CSMD2: variants seen among roughly 807,000 people sequenced by gnomAD.
CSMD2 encodes CUB and Sushi multiple domains 2, also known as CUB and sushi domain-containing protein 2.
In CSMD2, 130 loss-of-function variants were observed where a neutral mutation model predicts 398.5. The observed-to-expected ratio is 0.33, with a 90% CI of 0.28 to 0.38. The LOEUF (loss-of-function observed/expected upper bound fraction) is 0.38. CSMD2 is among the 10% of genes least tolerant of loss of function. The pLI is 1.00. For synonymous variants in CSMD2, 1,828 were observed against 1,908.5 expected (o/e 0.96, Z 1.10); for missense variants, 3,829 against 4,764.9 (o/e 0.80, Z 5.78).
At chr1:33,681,161 T>A (rs1475742867) in intron 25 of CSMD2, among the ~76,000 whole-genome samples, 1 of 152,026 alleles carries the variant, frequency 6.6e-6, no homozygotes, top group Non-Finnish European at 1.5e-5. Context: ...TGGCCTCAAG[T>A]GATTCACCTC....
intron 1 of CSMD2, 43 bp from the exon 2 acceptor site, chr1:34,089,236 T>C: frequency 6.4e-7 from 1 of 1,555,760 alleles, no homozygotes; most frequent in Non-Finnish European, 8.8e-7. Flanking sequence ...CCAGAATAAC[T>C]CCTAGAAGCT....
intron 10 of CSMD2, among the ~76,000 whole-genome samples, chr1:33,796,738 C>T (rs1339781261): frequency 6.6e-6 from 1 of 152,150 alleles, no homozygotes; most frequent in Non-Finnish European, 1.5e-5. Context: ...CAGGGTTGGG[C>T]AGAATAGAGC....
intron 3 of CSMD2, among the ~76,000 whole-genome samples, chr1:34,014,211 G>A (rs1191223097): frequency 4.6e-5 from 7 of 152,080 alleles, no homozygotes; most frequent in Admixed American, 3.9e-4. Flanking sequence ...ATTAGACTCC[G>A]GGCCAGTCTC....
intron 4 of CSMD2, among the ~76,000 whole-genome samples, chr1:33,918,792 A>C (rs1211047694): frequency 6.6e-6 from 1 of 152,242 alleles, no homozygotes; most frequent in Non-Finnish European, 1.5e-5. Context: ...ATTTGAATTT[A>C]GACTCCACAA....
At chr1:33,711,378 C>A (rs894372194) in intron 21 of CSMD2, among the ~76,000 whole-genome samples, 4 of 152,228 alleles carry the variant, frequency 2.6e-5, no homozygotes, top group Admixed American at 1.3e-4. Context: ...ATTGTGTCAA[C>A]TCACTGAAAT....
intron 55 of CSMD2, 73 bp downstream of exon 55, chr1:33,557,656 ACACAT>A: frequency 1.6e-5 from 17 of 1,087,762 alleles, no homozygotes; most frequent in Non-Finnish European, 2.1e-5. Flanking sequence ...ACACACACAC[ACACAT>A]GCACAGAGGG....
intron 21 of CSMD2, among the ~76,000 whole-genome samples, chr1:33,713,534 G>T (rs899901987): frequency 6.6e-6 from 1 of 152,092 alleles, no homozygotes; most frequent in Non-Finnish European, 1.5e-5. Context: ...CATACATTAG[G>T]GACAGACAGC....
At chr1:34,092,610 C>G (rs1206326432) in intron 1 of CSMD2, among the ~76,000 whole-genome samples, 1 of 151,496 alleles carries the variant, frequency 6.6e-6, no homozygotes, top group Admixed American at 6.6e-5. Context: ...TGCAAGGGGG[C>G]AGGGAGTTCC....
intron 25 of CSMD2, among the ~76,000 whole-genome samples, chr1:33,686,993 T>C (rs1645081490): frequency 6.6e-6 from 1 of 152,226 alleles, no homozygotes; most frequent in Non-Finnish European, 1.5e-5. Context: ...GCTTTATATA[T>C]GTTCACTCAA....
At chr1:33,720,773 C>T (rs1238165304) in intron 19 of CSMD2, among the ~76,000 whole-genome samples, 1 of 152,212 alleles carries the variant, frequency 6.6e-6, no homozygotes, top group Non-Finnish European at 1.5e-5. Context: ...TCTCGGCTCA[C>T]CGCAACCTCT....
rs144275313 is a variant in CSMD2, at chr1:34,022,732, T to G, written c.517+9862A>C. On this transcript the variant is annotated intron_variant, in intron 3 of 70. Coordinates refer to ENST00000373381, the MANE Select transcript of CSMD2 (RefSeq NM_001281956.2). ...GGTGCATCTGAGAACTGGAAGGGGA[T>G]GGAGGTAGGGCTCATGCCGGAGGTT... is the stretch of plus-strand genomic sequence containing the variant. 4.8e-3 allele frequency among the ~76,000 whole-genome samples: 725 copies of G among 152,260 alleles called. 4 individuals carry two copies. The highest frequency in any genetic ancestry group is 6.4e-3 in the Non-Finnish European group (436 of 68,014).
At chr1:33,668,921 T>C (rs1300795292) in intron 25 of CSMD2, among the ~76,000 whole-genome samples, 1 of 152,130 alleles carries the variant, frequency 6.6e-6, no homozygotes, top group Non-Finnish European at 1.5e-5. Context: ...CAAAACATAA[T>C]AATATGTGCA....
In CSMD2 at chr1:33,810,870, G is replaced by A. The variant is rs764999435; in HGVS notation, c.1325-6C>T. 6.2e-7 allele frequency: 1 copy of A among 1,610,156 alleles called. No individual in the cohort carries two copies. Among genetic ancestry groups the A allele is most frequent in the Non-Finnish European group, 8.5e-7 (1 of 1,178,538 alleles). On this transcript the variant is annotated splice_polypyrimidine_tract_variant and splice_region_variant and intron_variant, in intron 9 of 70. Coordinates refer to ENST00000373381, the MANE Select transcript of CSMD2 (RefSeq NM_001281956.2). ...GTGGGCATCACACATGCGGGCTGCA[G>A]AGGAGATGAAAGACAAGCCTTTGAA...
At chr1:33,654,677 C>T (rs2148975857) in intron 27 of CSMD2, among the ~76,000 whole-genome samples, 1 of 152,326 alleles carries the variant, frequency 6.6e-6, no homozygotes, top group African/African-American at 2.4e-5. Flanking sequence ...TGGCCTTGCC[C>T]AGGCCAGCCT....
intron 32 of CSMD2, among the ~76,000 whole-genome samples, chr1:33,631,729 T>C (rs569043298): frequency 2.2e-4 from 34 of 152,298 alleles, no homozygotes; most frequent in Non-Finnish European, 4.3e-4. Flanking sequence ...ATTGTATTCC[T>C]GGATGGGAAG....
chr1:34,165,638 T>TCA (rs1397058333), upstream of CSMD2: 11 of 961,190 alleles, frequency 1.1e-5, no homozygotes, highest in African/African-American at 9.6e-5. Flanking sequence ...ACACACGCAC[T>TCA]CACACACACA....
At chr1:33,693,090 G>T in intron 24 of CSMD2, 34 bp from the exon 25 acceptor site, 1 of 1,566,576 alleles carries the variant, frequency 6.4e-7, no homozygotes, top group South Asian at 1.2e-5. Context: ...AGCTTCATGG[G>T]GTGGCCTGAG....
chr1:33,827,546 C>T (rs1658971081), intron 6 of CSMD2, among the ~76,000 whole-genome samples: 1 of 152,216 alleles, frequency 6.6e-6, no homozygotes, highest in African/African-American at 2.4e-5. Context: ...CCCCAGCTCT[C>T]CCTGCCTCCT....
In CSMD2 at chr1:34,163,759, C is replaced by T. The variant is rs2148592275; in HGVS notation, c.187+1152G>A. 6.6e-6 allele frequency among the ~76,000 whole-genome samples: 1 copy of T among 152,332 alleles called. No individual in the cohort carries two copies. Among genetic ancestry groups the T allele is most frequent in the East Asian group, 1.9e-4 (1 of 5,178 alleles). On this transcript the variant is annotated intron_variant, in intron 1 of 70. Coordinates refer to ENST00000373381, the MANE Select transcript of CSMD2 (RefSeq NM_001281956.2). The surrounding 1 kb of genome is among the most constrained non-coding windows in gnomAD (Gnocchi z 5.4). The stretch of plus-strand genomic sequence containing the variant: ...TTTCGGTTTCTCCCCCAGTGGGTGT[C>T]AGCCTCGCGGGCTAAATGAAAATGC...
Sources: gnomAD v4.1 joint callset for allele counts (sites outside exome capture counted in the v4.1 genomes callset) on GRCh38, gnomAD v4.1.1 for gene constraint, Gnocchi (gnomAD v3.1) non-coding constraint, MANE v1.5 for transcripts, NCBI Gene and HGNC (gene_info 2026-07-23, HGNC 2026-07-21) for gene names.